The following PIK3C2G variants were observed in gnomAD, a reference collection of about 807,000 sequenced individuals.
PIK3C2G encodes phosphatidylinositol 3-kinase C2 domain-containing subunit gamma.
A neutral mutation model predicts 181.1 loss-of-function variants in PIK3C2G; 168 were observed. The ratio of observed to expected loss-of-function variants is 0.93; its 90% CI spans 0.82 to 1.05. The LOEUF (loss-of-function observed/expected upper bound fraction) is 1.05, where lower values mean the gene tolerates loss of function less well. PIK3C2G is among the 50% of genes least tolerant of loss of function. The pLI, the probability that PIK3C2G is intolerant of heterozygous loss-of-function variation, is 0.00. For synonymous variants in PIK3C2G, 573 were observed against 592.2 expected (o/e 0.97, Z 0.47); for missense variants, 1,869 against 1,732.8 (o/e 1.08, Z -1.40).
intron 18 of PIK3C2G, among the ~76,000 whole-genome samples, chr12:18,435,966 C>CA (rs763425326): frequency 0.016 from 1,621 of 99,768 alleles, 7 homozygotes; most frequent in African/African-American, 0.033. Flanking sequence ...CTACAAGTAA[C>CA]AAAAAAAAAA....
intron 31 of PIK3C2G, among the ~76,000 whole-genome samples, chr12:18,638,623 G>A (rs1391409757): frequency 6.6e-6 from 1 of 152,032 alleles, no homozygotes; most frequent in Non-Finnish European, 1.5e-5. Flanking sequence ...AGAAGTTTTA[G>A]GTCATTTATG....
At chr12:18,649,725 T>C (rs1358596673), downstream of PIK3C2G, among the ~76,000 whole-genome samples, 1 of 152,190 alleles carries the variant, frequency 6.6e-6, no homozygotes, top group African/African-American at 2.4e-5. Flanking sequence ...ATCCAAAGGT[T>C]ATTTTTCAGA....
chr12:18,443,570 G>GA (rs1946862800), intron 18 of PIK3C2G, among the ~76,000 whole-genome samples: 1 of 151,614 alleles, frequency 6.6e-6, no homozygotes, highest in African/African-American at 2.4e-5. Flanking sequence ...TGTAATCACC[G>GA]AAAAACTCCT....
chr12:18,413,863 C>G (rs60953900), intron 16 of PIK3C2G, among the ~76,000 whole-genome samples: 1 of 152,242 alleles, frequency 6.6e-6, no homozygotes, highest in African/African-American at 2.4e-5. Flanking sequence ...ACATTTCAGT[C>G]TGTAAATATC....
At chr12:18,508,567 G>A (rs7953326) in intron 24 of PIK3C2G, among the ~76,000 whole-genome samples, 66,433 of 151,944 alleles carry the variant, frequency 0.44, 15,085 homozygotes, top group East Asian at 0.58. Context: ...TTATGTTATG[G>A]ACCCCCTTTG....
intron 24 of PIK3C2G, among the ~76,000 whole-genome samples, chr12:18,513,202 AT>A (rs1335288107): frequency 6.6e-6 from 1 of 151,618 alleles, no homozygotes; most frequent in Non-Finnish European, 1.5e-5. Flanking sequence ...TTCTAATAAT[AT>A]TTTCTTGAGT....
At chr12:18,701,663 C>T in the PIK3C2G span, 2 of 1,605,218 alleles carry the variant, frequency 1.2e-6, no homozygotes, top group Admixed American at 3.4e-5. Context: ...CTCCATCTGC[C>T]ACTTCTTCTT....
rs181724267 is a variant in PIK3C2G at position 18,408,690 on chromosome 12, C to T, written c.2315+8843C>T. 1.8e-4 allele frequency among the ~76,000 whole-genome samples: 28 copies of T among 151,992 alleles called. No individual in the cohort carries two copies. The East Asian group carries it at 2.7e-3, about 15-fold the overall frequency. On this transcript the variant is annotated intron_variant, in intron 16 of 32. Transcript: ENST00000538779. Reference sequence around the variant, plus strand: ...ACAAAGGGCTAATATTCAGAATCTACGAAGAACTTAAACAAATTTAAAGAA... The same window carrying T: ...ACAAAGGGCTAATATTCAGAATCTATGAAGAACTTAAACAAATTTAAAGAA...
intron 18 of PIK3C2G, among the ~76,000 whole-genome samples, chr12:18,456,618 C>G (rs1947644697): frequency 6.6e-6 from 1 of 152,098 alleles, no homozygotes; most frequent in African/African-American, 2.4e-5. Context: ...TTACCTGTTC[C>G]TTTACTGTAC....
At chr12:18,676,433 C>T in the PIK3C2G span, among the ~76,000 whole-genome samples, 6 of 152,218 alleles carry the variant, frequency 3.9e-5, no homozygotes, top group African/African-American at 1.4e-4. Flanking sequence ...ACATTGACCC[C>T]TTGCTTCTTC....
chr12:18,250,889 C>A (rs375747570), intron 1 of PIK3C2G, among the ~76,000 whole-genome samples: 4 of 151,762 alleles, frequency 2.6e-5, no homozygotes, highest in Non-Finnish European at 5.9e-5. Flanking sequence ...TCAAAATATA[C>A]GTAAAATCAG....
At chr12:18,629,318 T>C (rs569783914) in intron 31 of PIK3C2G, among the ~76,000 whole-genome samples, 1 of 152,310 alleles carries the variant, frequency 6.6e-6, no homozygotes, top group African/African-American at 2.4e-5. Context: ...AGTCTCTGCC[T>C]ACAAGGTCCC....
intron 8 of PIK3C2G, among the ~76,000 whole-genome samples, chr12:18,333,601 C>T (rs985080156): frequency 2.0e-5 from 3 of 152,084 alleles, no homozygotes; most frequent in Non-Finnish European, 4.4e-5. Context: ...TCATCCATGT[C>T]CCTGCAAAGG....
Position 18,647,878 on chromosome 12 carries a change from A to G in PIK3C2G, c.4311A>G (p.Val1437=). 1 of 1,508,756 alleles carries G rather than the reference A, an allele frequency of 6.6e-7. No individual in the cohort carries two copies. The highest frequency in any genetic ancestry group is 8.9e-7 in the Non-Finnish European group (1 of 1,120,134). 93.5% of individuals were successfully genotyped at this position (1,508,756 alleles called of 1,614,324 possible). A position where few individuals can be genotyped will look rare whatever the true frequency, so the allele number is the denominator to read the frequency against. ...KCTDPTYNEI[V]VYDEVTELQG... Reference sequence around the variant, plus strand: ...TTCATTATTTTCTCCGTTTTTAGGTAGTATATGATGAAGTCACAGAGCTCC... The same window carrying G: ...TTCATTATTTTCTCCGTTTTTAGGTGGTATATGATGAAGTCACAGAGCTCC... The change falls in exon 33 of 33, where the codon GTA becomes GTG. Residue 1437 remains valine (V), a splice_region_variant and synonymous_variant. Coordinates refer to ENST00000538779, the MANE Select transcript of PIK3C2G (RefSeq NM_001288772.2).
In PIK3C2G at chr12:18,567,089, T is replaced by TA. The variant is rs759694326; in HGVS notation, c.4011+36dup. 7.2e-6 allele frequency: 7 copies of TA among 972,568 alleles called. No individual in the cohort carries two copies. The Admixed American group carries it at 1.4e-4, about 19-fold the overall frequency. 60.2% of individuals were successfully genotyped at this position (972,568 alleles called of 1,614,324 possible). A position where few individuals can be genotyped will look rare whatever the true frequency, so the allele number is the denominator to read the frequency against. The stretch of plus-strand genomic sequence containing the variant: ...TATAATTAATTTTTCTATTTTTACA[T>TA]AAAACATCAACTATTTTATATTTTA... On this transcript the variant is annotated intron_variant, in intron 29 of 32. Coordinates refer to ENST00000538779, the MANE Select transcript of PIK3C2G (RefSeq NM_001288772.2).
the PIK3C2G span, among the ~76,000 whole-genome samples, chr12:18,690,209 TTTTGTTTG>T: frequency 3.4e-3 from 517 of 151,974 alleles, 2 homozygotes; most frequent in African/African-American, 0.011. Context: ...CACATCTGTT[TTTTGTTTG>T]TTTGTTTGTT....
intron 13 of PIK3C2G, among the ~76,000 whole-genome samples, chr12:18,378,598 A>G (rs1942618618): frequency 6.6e-6 from 1 of 152,234 alleles, no homozygotes; most frequent in Non-Finnish European, 1.5e-5. Flanking sequence ...GAATGGGAGA[A>G]AATTTTTGCA....
intron 18 of PIK3C2G, among the ~76,000 whole-genome samples, chr12:18,431,783 TC>T (rs1225205844): frequency 1.3e-5 from 2 of 152,256 alleles, no homozygotes; most frequent in African/African-American, 4.8e-5. Context: ...TATTGCTTCA[TC>T]TTTTGTTAGG....
intron 1 of PIK3C2G, among the ~76,000 whole-genome samples, chr12:18,268,923 CT>C (rs995864410): frequency 3.7e-4 from 54 of 146,438 alleles, no homozygotes; most frequent in Admixed American, 6.9e-4. Flanking sequence ...AGATTTCTTT[CT>C]TTTTTTTTTT....
Sources: gnomAD v4.1 joint callset for allele counts (sites outside exome capture counted in the v4.1 genomes callset) on GRCh38, gnomAD v4.1.1 for gene constraint, MANE v1.5 for transcripts, NCBI Gene and HGNC (gene_info 2026-07-23, HGNC 2026-07-21) for gene names.